ACIN1: variants seen among roughly 807,000 people sequenced by gnomAD.
ACIN1 encodes apoptotic chromatin condensation inducer in the nucleus.
Under a neutral mutation model 146.6 loss-of-function variants are expected in ACIN1, and 16 were observed. The observed-to-expected ratio is 0.11, with a 90% CI of 0.07 to 0.17. The LOEUF is 0.17. Among genes scored for constraint, ACIN1 ranks in the 10% least tolerant of loss-of-function variants. The pLI, the probability that ACIN1 is intolerant of heterozygous loss-of-function variation, is 1.00. For missense variants in ACIN1, 1,357 were observed against 1,609.3 expected, an observed-to-expected ratio of 0.84 and a Z score of 2.68; for synonymous variants, 569 against 582.7, an observed-to-expected ratio of 0.98 and a Z score of 0.34.
At chr14:23,062,047 A>C in intron 16 of ACIN1, 121 bp downstream of exon 16, 2 of 764,410 alleles carry the variant, frequency 2.6e-6, no homozygotes, top group Non-Finnish European at 4.3e-6. Flanking sequence ...AACCAAAGCC[A>C]GGGAAGAAGA....
At chr14:23,094,537 T>C (rs2048317970) in intron 1 of ACIN1, 1 of 985,154 alleles carries the variant, frequency 1.0e-6, no homozygotes, top group Non-Finnish European at 1.2e-6. Context: ...CCCAGTCCTA[T>C]TCGTGCAGAT....
chr14:23,092,296 T>C (rs944216378), intron 2 of ACIN1, among the ~76,000 whole-genome samples: 21 of 152,226 alleles, frequency 1.4e-4, no homozygotes, highest in Admixed American at 7.9e-4. Flanking sequence ...AAAGTAGAAA[T>C]GAGTCTCTTG....
rs773926429 is a variant in ACIN1 at position 23,080,300 on chromosome 14, C to A, written c.1035G>T (p.Ala345=). 1 of 1,614,168 alleles carries A rather than the reference C, an allele frequency of 6.2e-7. No homozygotes were observed. The highest frequency in any genetic ancestry group is 8.5e-7 in the Non-Finnish European group (1 of 1,180,014). ...TEDRKKASLV[A]LPEQTASEEE... ...CCTCGCTGGCAGTTTGCTCTGGCAG[C>A]GCTACAAGTGAGGCCTTCTTTCGAT... Residue 345 remains alanine, a synonymous_variant, in exon 6 of 19, where the codon GCG becomes GCT. Transcript: ENST00000605057.
At chr14:23,095,267 G>A, upstream of ACIN1, 2 of 1,600,580 alleles carry the variant, frequency 1.2e-6, no homozygotes, top group Non-Finnish European at 1.7e-6. Context: ...GGATGTCCTC[G>A]GATGTTTCCG....
chr14:23,080,619 T>C lies in ACIN1; in HGVS notation c.716A>G (p.Glu239Gly). 1 of 1,614,122 alleles carries C rather than the reference T, an allele frequency of 6.2e-7. No homozygotes were observed. The highest frequency in any genetic ancestry group is 8.5e-7 in the Non-Finnish European group (1 of 1,180,024). The change falls in exon 6 of 19, where the codon GAG becomes GGG. Residue 239 changes from glutamate to glycine, a missense_variant. By Grantham distance (98) the Glu-to-Gly change is moderately conservative. Around this residue, in one of 4 missense-constraint regions of ACIN1, gnomAD observed 771 missense variants for 746.6 expected, o/e 1.03. Transcript: ENST00000605057. The stretch of plus-strand genomic sequence containing the variant: ...CTTAAACTCTTTCAGGATTGGTGCC[T>C]CCCTAGATTTTTGTCCCTCATCATC... ...EGDDEGQKSR[E>G]APILKEFKEE...
At chr14:23,076,615 C>A (rs1281803155) in intron 8 of ACIN1, 2 of 152,158 alleles carry the variant, frequency 1.3e-5, no homozygotes, top group Non-Finnish European at 2.9e-5. Flanking sequence ...AATTTTAAGG[C>A]TAGCAAAGAG....
At chr14:23,095,398 C>T (rs1259743179), upstream of ACIN1, 1 of 1,334,696 alleles carries the variant, frequency 7.5e-7, no homozygotes, top group East Asian at 2.3e-5. Flanking sequence ...ATTCGGAAAC[C>T]CTCGACCCTG....
intron 1 of ACIN1, 156 bp downstream of exon 1, chr14:23,094,819 G>A (rs940928902): frequency 4.3e-6 from 5 of 1,150,142 alleles, no homozygotes; most frequent in Non-Finnish European, 6.0e-6. Flanking sequence ...ATTCCAGCGC[G>A]AACCTCATCA....
rs140209940 is a variant in ACIN1, at chr14:23,059,308, C to T, written c.3692G>A (p.Arg1231Lys). Residue 1231 changes from arginine (R) to lysine (K), a missense_variant, in exon 19 of 19, where the codon AGG becomes AAG. Around this residue, in one of 4 missense-constraint regions of ACIN1, gnomAD observed 509 missense variants for 719.6 expected, o/e 0.71. Transcript: ENST00000605057. ...KRREHSRERD[R>K]ERERERERDR... ...CCGCTCCCTTTCTCTCTCTCTCTCC[C>T]TGTCCCTCTCCCGACTGTGCTCCCG... is the stretch of plus-strand genomic sequence containing the variant. 28 of 1,597,098 alleles carry T rather than the reference C, an allele frequency of 1.8e-5. No homozygotes were observed. Among genetic ancestry groups the T allele is most frequent in the Admixed American group, 1.7e-5 (1 of 59,980 alleles).
At position 23,090,513 on chromosome 14, in the gene ACIN1, T is replaced by C; in HGVS notation, c.316+9A>G. On this transcript the variant is annotated intron_variant, in intron 3 of 18. Coordinates refer to ENST00000605057, the MANE Select transcript of ACIN1 (RefSeq NM_001386863.1). Reference sequence around the variant, plus strand: ...GAACTCCTTGTTAAAAGTGACAATCTGGGCTTACCTTCAAGTTCTGCAGCT... The same window carrying C: ...GAACTCCTTGTTAAAAGTGACAATCCGGGCTTACCTTCAAGTTCTGCAGCT... The C allele has an allele frequency of 6.2e-7, 1 of 1,612,906 alleles. No homozygotes were observed. The highest frequency in any genetic ancestry group is 8.5e-7 in the Non-Finnish European group (1 of 1,178,908).
intron 9 of ACIN1, 195 bp from the exon 10 acceptor site, chr14:23,066,203 A>G (rs1410212248): frequency 3.7e-6 from 2 of 538,736 alleles, no homozygotes; most frequent in Non-Finnish European, 3.3e-6. Context: ...AAGCAGAATC[A>G]ATGCAAGTTA....
At chr14:23,086,304 A>G (rs1464543326) in intron 4 of ACIN1, among the ~76,000 whole-genome samples, 2 of 152,248 alleles carry the variant, frequency 1.3e-5, no homozygotes, top group East Asian at 3.8e-4. Context: ...TTGTTAAAGA[A>G]TCAATATTCT....
At chr14:23,095,307 C>A (rs1373508293), upstream of ACIN1, 1 of 1,581,288 alleles carries the variant, frequency 6.3e-7, no homozygotes, top group African/African-American at 1.3e-5. Flanking sequence ...CAATTCTTTC[C>A]ATCCGCCCTG....
chr14:23,095,097 C>T lies in ACIN1; in HGVS notation c.16G>A (p.Glu6Lys), dbSNP rs2140266724. The T allele has an allele frequency of 1.2e-6, 2 of 1,614,252 alleles. No individual in the cohort carries two copies. Among genetic ancestry groups the T allele is most frequent in the Non-Finnish European group, 8.5e-7 (1 of 1,180,030 alleles). The change falls in exon 1 of 19, where the codon GAG becomes AAG. Residue 6 changes from glutamate (E) to lysine (K), a missense_variant. Transcript: ENST00000605057. ...AGAGGCTTCCCGTCCAGAGTCACCT[C>T]CTCCAGCTCCGCCATCTTGCGTGAG... MAELE[E>K]VTLDGKPLQA...
intron 2 of ACIN1, among the ~76,000 whole-genome samples, 165 bp downstream of exon 2, chr14:23,093,314 A>C (rs1481355243): frequency 1.3e-5 from 2 of 152,232 alleles, no homozygotes; most frequent in Non-Finnish European, 2.9e-5. Context: ...CTTGTATACA[A>C]CTGGGTTGAT....
chr14:23,095,297 CAATT>C, upstream of ACIN1: 1 of 1,586,706 alleles, frequency 6.3e-7, no homozygotes, highest in Non-Finnish European at 8.6e-7. Context: ...CGTTACCAAT[CAATT>C]CTTTCCATCC....
intron 9 of ACIN1, chr14:23,066,260 T>A: frequency 2.3e-6 from 1 of 425,748 alleles, no homozygotes; most frequent in Non-Finnish European, 4.3e-6. Flanking sequence ...AGTCATCTAC[T>A]CCGTATCACA....
upstream of ACIN1, chr14:23,095,145 C>T (rs773143834): frequency 8.7e-6 from 14 of 1,614,122 alleles, no homozygotes; most frequent in South Asian, 4.4e-5. Context: ...GTCCCGACGG[C>T]TTCGGGCATC....
At chr14:23,071,642 G>A (rs1267681578) in intron 8 of ACIN1, 2 of 1,343,732 alleles carry the variant, frequency 1.5e-6, no homozygotes, top group Non-Finnish European at 2.0e-6. Context: ...GGAGGGAGCT[G>A]AGTGAGCAAG....
Sources: allele counts gnomAD v4.1 joint callset (sites outside exome capture counted in the v4.1 genomes callset), GRCh38; gene constraint gnomAD v4.1.1; regional missense constraint gnomAD v4.1.1; transcripts MANE v1.5; gene names NCBI Gene and HGNC (gene_info 2026-07-23, HGNC 2026-07-21).